Variants in FOXP1 observed in about 807,000 individuals in gnomAD.
The protein encoded by FOXP1 is forkhead box P1.
FOXP1 carries 15 observed loss-of-function variants against 98.2 expected under a neutral mutation model. The ratio of observed to expected loss-of-function variants is 0.15; its 90% CI spans 0.10 to 0.24. The LOEUF is 0.24. FOXP1 is among the 10% of genes least tolerant of loss of function. The pLI is 1.00. For synonymous variants in FOXP1, 371 were observed against 314.5 expected (o/e 1.18, Z -1.90); for missense variants, 633 against 848.5 (o/e 0.75, Z 3.15).
intron 11 of FOXP1, among the ~76,000 whole-genome samples, chr3:71,017,810 C>T (rs2044733209): frequency 6.6e-6 from 1 of 152,168 alleles, no homozygotes; most frequent in South Asian, 2.1e-4. Context: ...CAACTGACTG[C>T]TACCAGAAGA....
chr3:71,119,922 A>T (rs2058640428), intron 6 of FOXP1, among the ~76,000 whole-genome samples: 2 of 152,260 alleles, frequency 1.3e-5, no homozygotes, highest in Non-Finnish European at 2.9e-5. Flanking sequence ...TTACAAATAG[A>T]ACATTTGGTT....
At chr3:71,426,745 TC>T (rs1366717761) in intron 3 of FOXP1, among the ~76,000 whole-genome samples, 1 of 152,124 alleles carries the variant, frequency 6.6e-6, no homozygotes, top group Non-Finnish European at 1.5e-5. Flanking sequence ...CTAAAATAGT[TC>T]CCCTTCTTGC....
chr3:70,987,950 C>T, intron 14 of FOXP1, 44 bp downstream of exon 14: 1 of 1,569,866 alleles, frequency 6.4e-7, no homozygotes, highest in East Asian at 2.2e-5. Flanking sequence ...AAAAGGAATA[C>T]TGTGAGTTTT....
chr3:71,338,443 G>GAGTATAAATTTT (rs2076816627), intron 4 of FOXP1, among the ~76,000 whole-genome samples: 1 of 152,152 alleles, frequency 6.6e-6, no homozygotes, highest in African/African-American at 2.4e-5. Flanking sequence ...TATCCCAGGA[G>GAGTATAAATTTT]AGTATAAATT....
intron 5 of FOXP1, among the ~76,000 whole-genome samples, chr3:71,229,892 C>A (rs1576485985): frequency 6.6e-6 from 1 of 152,106 alleles, no homozygotes; most frequent in African/African-American, 2.4e-5. Context: ...AGCTCCACGG[C>A]CACTCGAGTA....
intron 2 of FOXP1, among the ~76,000 whole-genome samples, chr3:71,538,335 T>C (rs1261220208): frequency 6.6e-6 from 1 of 152,224 alleles, no homozygotes; most frequent in Non-Finnish European, 1.5e-5. Context: ...TTCCTCTCTC[T>C]CCAGCTCCCT....
chr3:71,058,271 C>T (rs1247140910), intron 7 of FOXP1, among the ~76,000 whole-genome samples: 1 of 152,162 alleles, frequency 6.6e-6, no homozygotes, highest in Admixed American at 6.5e-5. Context: ...AGTACACATA[C>T]ACATAAATTT....
At chr3:71,544,663 G>T (rs547779434) in intron 2 of FOXP1, among the ~76,000 whole-genome samples, 34 of 152,272 alleles carry the variant, frequency 2.2e-4, no homozygotes, top group African/African-American at 7.7e-4. Context: ...AAATAACACA[G>T]TTGGCTGGTC....
At chr3:71,056,966 G>C (rs1161735274) in intron 7 of FOXP1, among the ~76,000 whole-genome samples, 1 of 152,184 alleles carries the variant, frequency 6.6e-6, no homozygotes, top group East Asian at 1.9e-4. Context: ...TGCAGTACCA[G>C]CGAGAGGCTA....
chr3:71,226,936 C>G (rs2065888834), intron 5 of FOXP1, among the ~76,000 whole-genome samples: 1 of 152,162 alleles, frequency 6.6e-6, no homozygotes, highest in African/African-American at 2.4e-5. Flanking sequence ...CGGCAGCTGA[C>G]AGTCCCCTCT....
intron 2 of FOXP1, among the ~76,000 whole-genome samples, chr3:71,529,068 C>G (rs533723565): frequency 6.6e-6 from 1 of 152,276 alleles, no homozygotes; most frequent in East Asian, 1.9e-4. Context: ...GGAGGCTTTT[C>G]TGTGATGAAT....
intron 13 of FOXP1, among the ~76,000 whole-genome samples, chr3:70,992,167 G>T (rs2040703562): frequency 6.6e-6 from 1 of 152,160 alleles, no homozygotes. Flanking sequence ...TTGGAAGTAG[G>T]TATTTTTAAA....
At chr3:71,444,070 C>T (rs1209151617) in intron 3 of FOXP1, among the ~76,000 whole-genome samples, 1 of 152,192 alleles carries the variant, frequency 6.6e-6, no homozygotes, top group African/African-American at 2.4e-5. Flanking sequence ...GACTTTGCCT[C>T]AAAGTGATTT....
chr3:71,329,315 G>C (rs1420966681), intron 4 of FOXP1, among the ~76,000 whole-genome samples: 1 of 151,848 alleles, frequency 6.6e-6, no homozygotes, highest in Non-Finnish European at 1.5e-5. Context: ...TCCGCCTCCT[G>C]GGTTCACACC....
chr3:71,131,721 C>T (rs952463839), intron 6 of FOXP1, among the ~76,000 whole-genome samples: 5 of 152,162 alleles, frequency 3.3e-5, no homozygotes, highest in African/African-American at 9.7e-5. Context: ...TGAAGATAAA[C>T]CGCCAGAAAA....
At chr3:71,280,318 T>C (rs923369520) in intron 5 of FOXP1, among the ~76,000 whole-genome samples, 20 of 102,940 alleles carry the variant, frequency 1.9e-4, no homozygotes, top group African/African-American at 8.3e-4. Context: ...TATTTTACAA[T>C]ATCTTTTTTT....
At chr3:71,176,068 A>C (rs1181763039) in intron 6 of FOXP1, among the ~76,000 whole-genome samples, 1 of 152,224 alleles carries the variant, frequency 6.6e-6, no homozygotes, top group Non-Finnish European at 1.5e-5. Context: ...TGGGTGAATA[A>C]TTTCCTCAAG....
At chr3:71,413,288 A>ACACACACC (rs1261716854) in intron 3 of FOXP1, among the ~76,000 whole-genome samples, 2 of 144,468 alleles carry the variant, frequency 1.4e-5, no homozygotes, top group Non-Finnish European at 3.0e-5. Flanking sequence ...ACACACACAC[A>ACACACACC]CACCCAAAAC....
chr3:70,958,564 A>G lies in FOXP1; in HGVS notation c.*683T>C, dbSNP rs1036028283. On this transcript the variant is annotated 3_prime_UTR_variant, in exon 21 of 21. Coordinates refer to ENST00000649528, the MANE Select transcript of FOXP1 (RefSeq NM_001349338.3). ...TTCATCACAAGGTACAGAAAACTTT[A>G]AGCCTCCAAGAGGCCATCGGCCCAA... 1.4e-4 allele frequency: 35 copies of G among 254,866 alleles called. No homozygotes were observed. Among genetic ancestry groups the G allele is most frequent in the African/African-American group, 7.3e-4 (33 of 45,446 alleles). The allele number at this position is 254,866 out of a possible 1,614,324, so 15.8% of individuals were successfully genotyped here.
Sources: allele counts gnomAD v4.1 joint callset (sites outside exome capture counted in the v4.1 genomes callset), GRCh38; gene constraint gnomAD v4.1.1; transcripts MANE v1.5; gene names NCBI Gene and HGNC (gene_info 2026-07-23, HGNC 2026-07-21).